KCNQ1OT1: variants seen among roughly 807,000 people sequenced by gnomAD.
KCNQ1OT1 encodes KCNQ1 opposite strand/antisense transcript 1, also known as KCNQ1 antisense RNA 2 (non-protein coding).
In KCNQ1OT1 at chr11:2,682,684, T is replaced by G. The variant is rs767049078; in HGVS notation, n.17311A>C. ...TCCACATGCTATTGTCCATAGAAGC[T>G]GGGGTCCAAAGTTGACCAGAATATC... On this transcript the variant is annotated non_coding_transcript_exon_variant, in exon 1 of 1. Transcript: ENST00000597346. The surrounding 1 kb of genome is among the most constrained non-coding windows in gnomAD (Gnocchi z 5.8). 5.0e-6 allele frequency: 2 copies of G among 398,496 alleles called. No individual in the cohort carries two copies. Among genetic ancestry groups the G allele is most frequent in the Non-Finnish European group, 8.8e-6 (2 of 226,080 alleles). The allele number at this position is 398,496 out of a possible 1,614,324, so 24.7% of individuals were successfully genotyped here. A position where few individuals can be genotyped will look rare whatever the true frequency, so the allele number is the denominator to read the frequency against.
exon 1 of KCNQ1OT1, chr11:2,638,737 G>C (rs959183578): frequency 2.0e-5 from 3 of 152,122 alleles, no homozygotes; most frequent in Admixed American, 1.3e-4. Flanking sequence ...GCTAGGTTGG[G>C]GAAGTTCTCC....
At position 2,698,684 on chromosome 11, in the gene KCNQ1OT1, T is replaced by C. The variant is rs1354741435; in HGVS notation, n.1311A>G. On this transcript the variant is annotated non_coding_transcript_exon_variant, in exon 1 of 1. Coordinates refer to ENST00000597346, the Ensembl canonical transcript of KCNQ1OT1. This position sits in a 1 kb window ranked among gnomAD's most constrained non-coding sequence, Gnocchi z 5.1. The stretch of plus-strand genomic sequence containing the variant: ...CTCAGAGCCCCCCATTCAGAACCTC[T>C]ACCCAAAGACAGACTCCAGACCCTG... 1 of 398,414 alleles carries C rather than the reference T, an allele frequency of 2.5e-6. No individual in the cohort carries two copies. Among genetic ancestry groups the C allele is most frequent in the Non-Finnish European group, 4.4e-6 (1 of 226,096 alleles). 24.7% of individuals were successfully genotyped at this position (398,414 alleles called of 1,614,324 possible).
exon 1 of KCNQ1OT1, chr11:2,688,784 C>T (rs1372598227): frequency 2.5e-6 from 1 of 398,672 alleles, no homozygotes; most frequent in Non-Finnish European, 4.4e-6. Context: ...CACCTATATA[C>T]TTGCCCTCCC....
At chr11:2,619,862 C>G (rs1418247518) in exon 1 of KCNQ1OT1, 2 of 397,866 alleles carry the variant, frequency 5.0e-6, no homozygotes, top group African/African-American at 4.1e-5. Context: ...GTTTTTTTAA[C>G]TTTTATTTTT....
chr11:2,658,982 A>C lies in KCNQ1OT1; in HGVS notation n.41013T>G, dbSNP rs1849901857. ...GCTTTAACCATAGAGTGTCCAGTCA[A>C]AACAGTGTTTTTGAAAGCAACATAT... is the stretch of plus-strand genomic sequence containing the variant. On this transcript the variant is annotated non_coding_transcript_exon_variant, in exon 1 of 1. Coordinates refer to ENST00000597346, the Ensembl canonical transcript of KCNQ1OT1. The surrounding 1 kb of genome is among the most constrained non-coding windows in gnomAD (Gnocchi z 4.9). The C allele has an allele frequency of 2.5e-6, 1 of 398,444 alleles. No individual in the cohort carries two copies. The highest frequency in any genetic ancestry group is 4.4e-5 in the Admixed American group (1 of 22,698). The allele number at this position is 398,444 out of a possible 1,614,324, so 24.7% of individuals were successfully genotyped here.
Position 2,653,383 on chromosome 11 carries a change from A to G in KCNQ1OT1, n.46612T>C. The G allele has an allele frequency of 2.5e-6, 1 of 398,748 alleles. No individual in the cohort carries two copies. The highest frequency in any genetic ancestry group is 4.4e-6 in the Non-Finnish European group (1 of 226,130). 24.7% of individuals were successfully genotyped at this position (398,748 alleles called of 1,614,324 possible). On this transcript the variant is annotated non_coding_transcript_exon_variant, in exon 1 of 1. Transcript: ENST00000597346. This position sits in a 1 kb window ranked among gnomAD's most constrained non-coding sequence, Gnocchi z 5.3. Reference sequence around the variant, plus strand: ...CCAACTTTGTCATGCACATTCCTGAAGACTCTCTTGGTAACAAATGATGGA... The same window carrying G: ...CCAACTTTGTCATGCACATTCCTGAGGACTCTCTTGGTAACAAATGATGGA...
exon 1 of KCNQ1OT1, chr11:2,688,679 C>T (rs1042530016): frequency 4.5e-5 from 18 of 398,826 alleles, no homozygotes; most frequent in African/African-American, 3.1e-4. Context: ...CATTTCCACA[C>T]ACCACGTGCC....
chr11:2,634,893 C>T (rs1190997020), exon 1 of KCNQ1OT1: 2 of 152,180 alleles, frequency 1.3e-5, no homozygotes, highest in African/African-American at 2.4e-5. Context: ...GAGATGGTAT[C>T]TCATTGTGGT....
Position 2,646,201 on chromosome 11 carries a change from TGGA to T in KCNQ1OT1, n.53791_53793del, listed in dbSNP as rs1590002497. On this transcript the variant is annotated non_coding_transcript_exon_variant, in exon 1 of 1. Transcript: ENST00000597346. ...GTGGTTACCTACTTGCTATATTTTG[TGGA>T]GGAGGTGAGTGCCAGATGCCTCTAG... The T allele has an allele frequency of 2.8e-5, 11 of 398,646 alleles. No homozygotes were observed. The East Asian group carries it at 3.9e-4, about 14-fold the overall frequency. The allele number at this position is 398,646 out of a possible 1,614,324, so 24.7% of individuals were successfully genotyped here.
exon 1 of KCNQ1OT1, chr11:2,655,091 AAAAT>A (rs1415746102): frequency 5.0e-6 from 2 of 398,634 alleles, no homozygotes; most frequent in East Asian, 7.1e-5. Context: ...TATTTTTAAA[AAAAT>A]AAAATTCAAA....
At chr11:2,696,902 G>C in exon 1 of KCNQ1OT1, 1 of 398,284 alleles carries the variant, frequency 2.5e-6, no homozygotes, top group Non-Finnish European at 4.4e-6. Context: ...TTTGTTTTGA[G>C]TACACTGATC....
In KCNQ1OT1 at chr11:2,682,803, CTT is replaced by C; in HGVS notation, n.17190_17191del. The C allele has an allele frequency of 2.5e-6, 1 of 398,666 alleles. No homozygotes were observed. The highest frequency in any genetic ancestry group is 4.4e-6 in the Non-Finnish European group (1 of 226,078). The allele number at this position is 398,666 out of a possible 1,614,324, so 24.7% of individuals were successfully genotyped here. A position where few individuals can be genotyped will look rare whatever the true frequency, so the allele number is the denominator to read the frequency against. On this transcript the variant is annotated non_coding_transcript_exon_variant, in exon 1 of 1. Transcript: ENST00000597346. This position sits in a 1 kb window ranked among gnomAD's most constrained non-coding sequence, Gnocchi z 5.8. ...ATCTGGGCACCATGAAATGCAGTGACTTGCAGTGATCCTCCTGGGGCCTTGTA... is the reference window on the plus strand; with the variant it reads ...ATCTGGGCACCATGAAATGCAGTGACGCAGTGATCCTCCTGGGGCCTTGTA...
In KCNQ1OT1 at chr11:2,621,363, T is replaced by C; in HGVS notation, n.78632A>G. The C allele has an allele frequency of 2.5e-6, 1 of 398,678 alleles. No individual in the cohort carries two copies. Among genetic ancestry groups the C allele is most frequent in the Admixed American group, 4.4e-5 (1 of 22,742 alleles). 24.7% of individuals were successfully genotyped at this position (398,678 alleles called of 1,614,324 possible). On this transcript the variant is annotated non_coding_transcript_exon_variant, in exon 1 of 1. Transcript: ENST00000597346. The surrounding 1 kb of genome is among the most constrained non-coding windows in gnomAD (Gnocchi z 5.7). ...TGTATTTTCTTTTAAGAAATGTATGTTCCTGTCCTTTGCCAATTCAATTGG... is the reference window on the plus strand; with the variant it reads ...TGTATTTTCTTTTAAGAAATGTATGCTCCTGTCCTTTGCCAATTCAATTGG...
chr11:2,628,768 G>A (rs937879356), exon 1 of KCNQ1OT1: 5 of 398,336 alleles, frequency 1.3e-5, no homozygotes, highest in Non-Finnish European at 2.2e-5. Flanking sequence ...CAGGTCATAT[G>A]TTTAAATCTT....
At chr11:2,610,346 G>T in exon 1 of KCNQ1OT1, 1 of 397,996 alleles carries the variant, frequency 2.5e-6, no homozygotes, top group South Asian at 1.3e-4. Context: ...CTATTATAAT[G>T]ATCATACTAT....
exon 1 of KCNQ1OT1, chr11:2,665,037 A>T: frequency 2.5e-6 from 1 of 398,556 alleles, no homozygotes; most frequent in Non-Finnish European, 4.4e-6. Context: ...GGGGGTGAGC[A>T]GGCCTGATGC....
chr11:2,666,479 A>C, exon 1 of KCNQ1OT1: 1 of 398,678 alleles, frequency 2.5e-6, no homozygotes, highest in Non-Finnish European at 4.4e-6. Flanking sequence ...TCACGCCAAG[A>C]CATTCGAGTT....
In KCNQ1OT1 at chr11:2,687,063, C is replaced by G; in HGVS notation, n.12932G>C. 1 of 398,648 alleles carries G rather than the reference C, an allele frequency of 2.5e-6. No homozygotes were observed. Among genetic ancestry groups the G allele is most frequent in the Non-Finnish European group, 4.4e-6 (1 of 226,084 alleles). 24.7% of individuals were successfully genotyped at this position (398,648 alleles called of 1,614,324 possible). ...CCCAGCTCTGGGGGACAAGGACCCA[C>G]AAAGTGATGCAAGATATCCTGAGTT... On this transcript the variant is annotated non_coding_transcript_exon_variant, in exon 1 of 1. Coordinates refer to ENST00000597346, the Ensembl canonical transcript of KCNQ1OT1. The surrounding 1 kb of genome is among the most constrained non-coding windows in gnomAD (Gnocchi z 5.0).
exon 1 of KCNQ1OT1, chr11:2,609,916 G>C (rs1331289301): frequency 2.5e-6 from 1 of 397,854 alleles, no homozygotes; most frequent in African/African-American, 2.1e-5. Context: ...TCTAAAGTGT[G>C]CCTCATATAG....
Sources: allele counts gnomAD v4.1 joint callset, GRCh38; gene constraint gnomAD v4.1.1; non-coding constraint Gnocchi (gnomAD v3.1); transcripts MANE v1.5; gene names NCBI Gene and HGNC (gene_info 2026-07-23, HGNC 2026-07-21).